The following ITPR1 variants were observed in gnomAD, a reference collection of about 807,000 sequenced individuals.
The protein encoded by ITPR1 is inositol 1,4,5-trisphosphate receptor type 1.
In ITPR1, 96 loss-of-function variants were observed where a neutral mutation model predicts 318.4. The ratio of observed to expected loss-of-function variants is 0.30; its 90% confidence interval spans 0.26 to 0.36. The LOEUF (loss-of-function observed/expected upper bound fraction) is 0.36. ITPR1 is among the 10% of genes least tolerant of loss of function. The pLI, the probability that ITPR1 is intolerant of heterozygous loss-of-function variation, is 1.00. For missense variants in ITPR1, 2,440 were observed against 3,460.2 expected (o/e 0.71, Z 7.40); for synonymous variants, 1,312 against 1,289.9 (o/e 1.02, Z -0.37).
chr3:4,813,805 C>T (rs1414271195), intron 57 of ITPR1, among the ~76,000 whole-genome samples: 2 of 152,090 alleles, frequency 1.3e-5, no homozygotes, highest in Non-Finnish European at 1.5e-5. Context: ...CTATGTCAGG[C>T]GTAGGAGGTT....
Position 4,818,129 on chromosome 3 carries a change from C to T in ITPR1, c.7915C>T (p.His2639Tyr). 1 of 1,607,160 alleles carries T rather than the reference C, an allele frequency of 6.2e-7. No homozygotes were observed. The change falls in exon 60 of 62, where the codon CAC becomes TAC. Residue 2639 changes from histidine to tyrosine, a missense_variant. By Grantham distance (83) the His-to-Tyr change is moderately conservative (BLOSUM62 2). Around this residue, in one of 23 missense-constraint regions of ITPR1, gnomAD observed 72 missense variants for 197.7 expected, o/e 0.36. Transcript: ENST00000649015. ...CAACAAGACTGTCACCTTTGAAGAG[C>T]ACATCAAGGAAGAACACAACATGTG... ...FDNKTVTFEE[H>Y]IKEEHNMWHY...
At chr3:4,645,144 G>A (rs927459658) in intron 8 of ITPR1, among the ~76,000 whole-genome samples, 2 of 152,208 alleles carry the variant, frequency 1.3e-5, no homozygotes, top group African/African-American at 2.4e-5. Flanking sequence ...AAGGCAGGAG[G>A]CTTGGTTCCA....
intron 60 of ITPR1, among the ~76,000 whole-genome samples, chr3:4,819,752 A>G (rs915329400): frequency 6.6e-6 from 1 of 152,220 alleles, no homozygotes; most frequent in African/African-American, 2.4e-5. Flanking sequence ...TAACTTTTGA[A>G]AAAGGTTTTG....
intron 51 of ITPR1, among the ~76,000 whole-genome samples, chr3:4,787,606 G>A (rs2047286031): frequency 1.3e-5 from 2 of 150,962 alleles, no homozygotes; most frequent in Non-Finnish European, 1.5e-5. Flanking sequence ...GCTGAGGCAG[G>A]AGAATCACTT....
intron 4 of ITPR1, among the ~76,000 whole-genome samples, chr3:4,555,522 A>C (rs1235801720): frequency 1.3e-5 from 2 of 152,222 alleles, no homozygotes; most frequent in Non-Finnish European, 2.9e-5. Context: ...GTCAATAGCA[A>C]AATAATAAAT....
chr3:4,729,400 G>A (rs1358817119), intron 42 of ITPR1, among the ~76,000 whole-genome samples: 5 of 152,190 alleles, frequency 3.3e-5, no homozygotes, highest in Admixed American at 1.3e-4. Flanking sequence ...GACAACAAGA[G>A]GAGAAGGAAG....
chr3:4,518,885 C>A (rs774046939), intron 3 of ITPR1, among the ~76,000 whole-genome samples: 7 of 152,138 alleles, frequency 4.6e-5, no homozygotes, highest in Admixed American at 2.6e-4. Flanking sequence ...GCTTTTAAGA[C>A]CAGCCTGGGC....
chr3:4,714,155 C>G (rs535494732), intron 39 of ITPR1, among the ~76,000 whole-genome samples: 10 of 152,228 alleles, frequency 6.6e-5, no homozygotes, highest in African/African-American at 2.2e-4. Flanking sequence ...CCCCGTTTGA[C>G]TAAAGAAGCA....
intron 13 of ITPR1, among the ~76,000 whole-genome samples, chr3:4,659,125 G>T (rs2093777123): frequency 6.6e-6 from 1 of 152,134 alleles, no homozygotes; most frequent in Non-Finnish European, 1.5e-5. Context: ...CCAATACCAT[G>T]TTGGTTAATG....
At chr3:4,780,479 C>T (rs995364177) in intron 49 of ITPR1, among the ~76,000 whole-genome samples, 2 of 152,088 alleles carry the variant, frequency 1.3e-5, no homozygotes, top group Admixed American at 6.6e-5. Flanking sequence ...GGCTGTGAGA[C>T]GAGCAGCTTT....
chr3:4,630,710 C>G (rs2092990447), intron 5 of ITPR1, among the ~76,000 whole-genome samples: 1 of 151,786 alleles, frequency 6.6e-6, no homozygotes, highest in South Asian at 2.1e-4. Flanking sequence ...CTCAGCCTCC[C>G]AAGTAGATGG....
chr3:4,712,936 G>A (rs1242969117), intron 39 of ITPR1, among the ~76,000 whole-genome samples: 6 of 152,160 alleles, frequency 3.9e-5, no homozygotes, highest in Non-Finnish European at 5.9e-5. Flanking sequence ...CTGTAACTCA[G>A]TAGGAATTTT....
intron 4 of ITPR1, among the ~76,000 whole-genome samples, chr3:4,624,198 C>A (rs2092740117): frequency 6.6e-6 from 1 of 152,178 alleles, no homozygotes; most frequent in Non-Finnish European, 1.5e-5. Context: ...GAGAAAAGGT[C>A]ATTTTACTCT....
chr3:4,590,985 GTC>G (rs2090353288), intron 4 of ITPR1, among the ~76,000 whole-genome samples: 1 of 152,096 alleles, frequency 6.6e-6, no homozygotes. Context: ...GTATTTGGTT[GTC>G]TGTTCCTGCA....
chr3:4,642,321 AAGG>A, intron 7 of ITPR1, 70 bp downstream of exon 7: 1 of 1,246,096 alleles, frequency 8.0e-7, no homozygotes, highest in Non-Finnish European at 1.1e-6. Context: ...TATTAGAGTT[AAGG>A]AGGAGACGTT....
intron 24 of ITPR1, 76 bp from the exon 25 acceptor site, chr3:4,680,477 G>T: frequency 7.5e-7 from 1 of 1,330,128 alleles, no homozygotes; most frequent in Non-Finnish European, 1.1e-6. Flanking sequence ...GGCCCCGCCA[G>T]TGTGTGGTGG....
At chr3:4,720,795 T>A (rs1209034946) in intron 40 of ITPR1, among the ~76,000 whole-genome samples, 1 of 126,828 alleles carries the variant, frequency 7.9e-6, no homozygotes, top group Admixed American at 8.9e-5. Flanking sequence ...AAATTCGAGG[T>A]AGAGGGGGAA....
chr3:4,768,557 C>T lies in ITPR1; in HGVS notation c.5772C>T (p.Leu1924=). 1 of 1,614,006 alleles carries T rather than the reference C, an allele frequency of 6.2e-7. No homozygotes were observed. Among genetic ancestry groups the T allele is most frequent in the Non-Finnish European group, 8.5e-7 (1 of 1,179,852 alleles). ...TQITEEVRDQ[L]LEASAATRKA... is the part of the protein sequence containing the mutation. Reference sequence around the variant, plus strand: ...TAACAGAAGAGGTCCGGGATCAGCTCCTGGAGGCCTCCGCTGCCACCAGGA... The same window carrying T: ...TAACAGAAGAGGTCCGGGATCAGCTTCTGGAGGCCTCCGCTGCCACCAGGA... The change falls in exon 46 of 62, where the codon CTC becomes CTT. Residue 1924 remains leucine, a synonymous_variant. Coordinates refer to ENST00000649015, the MANE Select transcript of ITPR1 (RefSeq NM_001378452.1).
chr3:4,578,259 A>C (rs948305182), intron 4 of ITPR1, among the ~76,000 whole-genome samples: 14 of 151,880 alleles, frequency 9.2e-5, no homozygotes, highest in African/African-American at 3.4e-4. Context: ...TATAGAAAAC[A>C]TTTTTTTTCT....
Sources: gnomAD v4.1 joint callset for allele counts (sites outside exome capture counted in the v4.1 genomes callset) on GRCh38, gnomAD v4.1.1 for gene constraint, gnomAD v4.1.1 regional missense constraint, MANE v1.5 for transcripts, NCBI Gene and HGNC (gene_info 2026-07-23, HGNC 2026-07-21) for gene names.